Variants in DRGX observed in about 807,000 individuals in gnomAD.
DRGX encodes the protein dorsal root ganglia homeobox.
In DRGX, 21 loss-of-function variants were observed where a neutral mutation model predicts 28.6. The observed-to-expected ratio is 0.73, with a 90% confidence interval of 0.52 to 1.06. DRGX has a LOEUF of 1.06. Ranked by LOEUF, DRGX falls within the 50% of genes least tolerant of loss-of-function variation. The pLI, the probability that DRGX is intolerant of heterozygous loss-of-function variation, is 0.00. For synonymous variants in DRGX, 136 were observed against 139.1 expected, an observed-to-expected ratio of 0.98 and a Z score of 0.16; for missense variants, 354 against 343.9, an observed-to-expected ratio of 1.03 and a Z score of -0.23.
chr10:49,386,095 G>C (rs889199035), intron 6 of DRGX, among the ~76,000 whole-genome samples: 1 of 151,968 alleles, frequency 6.6e-6, no homozygotes, highest in Non-Finnish European at 1.5e-5. Context: ...TGGCCCAGTC[G>C]CATGCATGGA....
chr10:49,383,211 C>T (rs545110819), intron 6 of DRGX, among the ~76,000 whole-genome samples: 2 of 152,332 alleles, frequency 1.3e-5, no homozygotes, highest in Admixed American at 6.5e-5. Flanking sequence ...ACTACAGACC[C>T]CCTCTTGCTA....
Position 49,366,157 on chromosome 10 carries a change from AG to A in DRGX, c.750del (p.Ser251LeufsTer133). The A allele has an allele frequency of 6.2e-7, 1 of 1,609,886 alleles. No homozygotes were observed. The highest frequency in any genetic ancestry group is 2.2e-5 in the East Asian group (1 of 44,814). On this transcript the variant is annotated frameshift_variant, in exon 7 of 7. Coordinates refer to ENST00000374139, the MANE Select transcript of DRGX (RefSeq NM_001276451.2). LOFTEE classifies it high-confidence loss of function. ...PAPPDGSQEK[T>X]SPTKEQSEAE... ...GCCTCGCTCTGTTCCTTGGTGGGAG[AG>A]GTCTTTTCCTGGCTGCCATCTGGGG...
intron 6 of DRGX, among the ~76,000 whole-genome samples, chr10:49,370,052 G>A (rs1422449735): frequency 1.3e-5 from 2 of 152,150 alleles, no homozygotes; most frequent in Non-Finnish European, 2.9e-5. Context: ...GGTGAGAGGG[G>A]CAGGTGGGGG....
chr10:49,395,301 C>A (rs1054478839), intron 2 of DRGX, 106 bp downstream of exon 2: 1 of 1,401,878 alleles, frequency 7.1e-7, no homozygotes, highest in Non-Finnish European at 9.7e-7. Flanking sequence ...GGCGGCTGCG[C>A]CCCCCGCAGG....
intron 6 of DRGX, among the ~76,000 whole-genome samples, chr10:49,373,391 G>C (rs992721150): frequency 6.6e-6 from 1 of 152,156 alleles, no homozygotes; most frequent in Non-Finnish European, 1.5e-5. Flanking sequence ...ATACATTTTG[G>C]AATATATATG....
intron 6 of DRGX, among the ~76,000 whole-genome samples, chr10:49,384,536 C>A (rs916215794): frequency 6.6e-6 from 1 of 152,204 alleles, no homozygotes; most frequent in Non-Finnish European, 1.5e-5. Flanking sequence ...ATGGGGCAGG[C>A]TCCGGGGCGG....
chr10:49,372,826 T>C (rs1273612810), intron 6 of DRGX, among the ~76,000 whole-genome samples: 3 of 152,238 alleles, frequency 2.0e-5, no homozygotes, highest in Admixed American at 1.3e-4. Flanking sequence ...TATTTTTTCC[T>C]CAGTGAAATC....
chr10:49,384,771 C>T (rs1224579368), intron 6 of DRGX, among the ~76,000 whole-genome samples: 1 of 152,190 alleles, frequency 6.6e-6, no homozygotes, highest in African/African-American at 2.4e-5. Context: ...ACACACTGCC[C>T]TCGGTCTCCC....
chr10:49,386,391 A>ACGGC, intron 6 of DRGX, 87 bp downstream of exon 6: 1 of 1,220,536 alleles, frequency 8.2e-7, no homozygotes, highest in Non-Finnish European at 1.1e-6. Flanking sequence ...AGGTGCAAGG[A>ACGGC]CGGCCGAGCC....
chr10:49,394,742 G>A (rs1209522791), intron 2 of DRGX, among the ~76,000 whole-genome samples: 1 of 152,220 alleles, frequency 6.6e-6, no homozygotes, highest in Admixed American at 6.5e-5. Context: ...CTCAGGCCTG[G>A]AGACACTCAA....
chr10:49,370,343 T>G (rs1849645409), intron 6 of DRGX, among the ~76,000 whole-genome samples: 1 of 152,160 alleles, frequency 6.6e-6, no homozygotes, highest in African/African-American at 2.4e-5. Context: ...AAGTGGAGGT[T>G]GCAGTGAGCC....
chr10:49,366,122 A>C lies in DRGX; in HGVS notation c.786T>G (p.Ser262Arg), dbSNP rs1367901410. 2 of 1,582,552 alleles carry C rather than the reference A, an allele frequency of 1.3e-6. No homozygotes were observed. The highest frequency in any genetic ancestry group is 1.7e-5 in the Admixed American group (1 of 58,364). ...PTKEQSEAEK[S>R]V ...GGCGGGGCACTGTGGACCCTCATAC[A>C]CTCTTCTCTGCCTCGCTCTGTTCCT... The change falls in exon 7 of 7, where the codon AGT (serine) becomes AGG (arginine). Residue 262 changes from serine to arginine, a missense_variant. By Grantham distance (110) the Ser-to-Arg change is moderately radical. Coordinates refer to ENST00000374139, the MANE Select transcript of DRGX (RefSeq NM_001276451.2).
chr10:49,380,928 C>A (rs188977627), intron 6 of DRGX, among the ~76,000 whole-genome samples: 1 of 152,280 alleles, frequency 6.6e-6, no homozygotes, highest in African/African-American at 2.4e-5. Context: ...TCCTGAGGGC[C>A]TCAAATGCTC....
Position 49,390,197 on chromosome 10 carries a change from T to C in DRGX, c.170A>G (p.Tyr57Cys), listed in dbSNP as rs1412542171. 1 of 1,612,912 alleles carries C rather than the reference T, an allele frequency of 6.2e-7. No homozygotes were observed. The highest frequency in any genetic ancestry group is 8.5e-7 in the Non-Finnish European group (1 of 1,179,552). ...CTCTTCTCTGGTGAAGACATCTGGATAGTGTGTTTGGGCAAAAACGGCCTC... is the reference window on the plus strand; with the variant it reads ...CTCTTCTCTGGTGAAGACATCTGGACAGTGTGTTTGGGCAAAAACGGCCTC... ...ALEAVFAQTH[Y>C]PDVFTREELA... Residue 57 changes from tyrosine to cysteine, a missense_variant, in exon 4 of 7, where the codon TAT becomes TGT. Coordinates refer to ENST00000374139, the MANE Select transcript of DRGX (RefSeq NM_001276451.2).
At chr10:49,386,918 C>A in intron 4 of DRGX, 60 bp from the exon 5 acceptor site, 1 of 1,493,300 alleles carries the variant, frequency 6.7e-7, no homozygotes, top group Non-Finnish European at 8.9e-7. Context: ...GAAGCCAGAA[C>A]CCTGGACCCA....
chr10:49,369,813 A>G (rs1849635713), intron 6 of DRGX, among the ~76,000 whole-genome samples: 1 of 151,786 alleles, frequency 6.6e-6, no homozygotes, highest in Non-Finnish European at 1.5e-5. Context: ...AGGGGAGTTG[A>G]GGGCAAAGTG....
chr10:49,386,945 C>A (rs895836494), intron 4 of DRGX, 87 bp from the exon 5 acceptor site: 9 of 1,438,272 alleles, frequency 6.3e-6, no homozygotes, highest in Non-Finnish European at 7.3e-6. Flanking sequence ...GCACTCACAG[C>A]TCACCCTGCA....
At chr10:49,393,784 C>CA (rs1849935782) in intron 2 of DRGX, among the ~76,000 whole-genome samples, 1 of 152,188 alleles carries the variant, frequency 6.6e-6, no homozygotes, top group South Asian at 2.1e-4. Flanking sequence ...GGTTATATCA[C>CA]AGAGTCAGCA....
At chr10:49,373,831 G>A (rs1268039295) in intron 6 of DRGX, among the ~76,000 whole-genome samples, 2 of 152,024 alleles carry the variant, frequency 1.3e-5, no homozygotes, top group African/African-American at 4.8e-5. Flanking sequence ...TGCATGTAGT[G>A]TACATATATA....
Sources: gnomAD v4.1 joint callset for allele counts (sites outside exome capture counted in the v4.1 genomes callset) on GRCh38, gnomAD v4.1.1 for gene constraint, MANE v1.5 for transcripts, NCBI Gene and HGNC (gene_info 2026-07-23, HGNC 2026-07-21) for gene names.